ANXA6: variants seen among roughly 807,000 people sequenced by gnomAD.
The protein encoded by ANXA6 is annexin A6.
Under a neutral mutation model 95.4 loss-of-function variants are expected in ANXA6, and 71 were observed. The ratio of observed to expected loss-of-function variants is 0.74; its 90% CI spans 0.61 to 0.91. The LOEUF (loss-of-function observed/expected upper bound fraction) is 0.91. Ranked by LOEUF, ANXA6 falls within the 40% of genes least tolerant of loss-of-function variation. The pLI, the probability that ANXA6 is intolerant of heterozygous loss-of-function variation, is 0.00. For synonymous variants in ANXA6, 289 were observed against 315.9 expected, an observed-to-expected ratio of 0.91 and a Z score of 0.90; for missense variants, 830 against 876.4, an observed-to-expected ratio of 0.95 and a Z score of 0.67.
chr5:151,134,450 C>CCTCG lies in ANXA6; in HGVS notation c.519_522dup (p.Asp175ArgfsTer23). 6.2e-7 allele frequency: 1 copy of CCTCG among 1,613,994 alleles called. No homozygotes were observed. The highest frequency in any genetic ancestry group is 8.5e-7 in the Non-Finnish European group (1 of 1,179,892). On this transcript the variant is annotated frameshift_variant, in exon 8 of 26. Coordinates refer to ENST00000354546, the MANE Select transcript of ANXA6 (RefSeq NM_001155.5). LOFTEE classifies it high-confidence loss of function. ...ACCTGGACATCCTGTTGTACCAGGT[C>CCTCG]CTCGCTCACTACGTCATCCTCCTCC... is the stretch of plus-strand genomic sequence containing the variant.
intron 20 of ANXA6, among the ~76,000 whole-genome samples, chr5:151,112,226 A>T (rs978430602): frequency 1.3e-5 from 2 of 152,180 alleles, no homozygotes; most frequent in Admixed American, 6.5e-5. Context: ...TGATAAGGAG[A>T]GTTTCCATTT....
chr5:151,118,814 T>C (rs1323569868), intron 18 of ANXA6, among the ~76,000 whole-genome samples: 1 of 152,054 alleles, frequency 6.6e-6, no homozygotes, highest in East Asian at 1.9e-4. Context: ...GCAATCCGCC[T>C]GCCTGAGACT....
intron 7 of ANXA6, among the ~76,000 whole-genome samples, chr5:151,135,199 A>G (rs1413689092): frequency 6.6e-6 from 1 of 152,108 alleles, no homozygotes; most frequent in East Asian, 1.9e-4. Context: ...TCAAACCCCC[A>G]GGGTTCTCTT....
intron 2 of ANXA6, among the ~76,000 whole-genome samples, chr5:151,146,172 T>C (rs1359806629): frequency 1.3e-5 from 2 of 152,124 alleles, no homozygotes; most frequent in Non-Finnish European, 2.9e-5. Context: ...TGGACCAAGG[T>C]CCAAAGATCT....
chr5:151,140,509 G>A lies in ANXA6; in HGVS notation c.19-266C>T. On this transcript the variant is annotated intron_variant, in intron 2 of 25. Transcript: ENST00000354546. The stretch of plus-strand genomic sequence containing the variant: ...CCTGCACCACCTTCCAAAGCATCCA[G>A]GAGAGGGTAAAAAAGCCTGGCTGAG... 1.1e-5 allele frequency: 4 copies of A among 368,862 alleles called. No individual in the cohort carries two copies. The South Asian group carries it at 1.5e-4, about 14-fold the overall frequency. 22.8% of individuals were successfully genotyped at this position (368,862 alleles called of 1,614,324 possible).
At chr5:151,132,350 G>GCCCA (rs1765536820) in intron 10 of ANXA6, 126 bp downstream of exon 10, 1 of 754,870 alleles carries the variant, frequency 1.3e-6, no homozygotes, top group Non-Finnish European at 2.1e-6. Context: ...AGAATTCACG[G>GCCCA]CCCACATGGT....
At position 151,100,781 on chromosome 5, in the gene ANXA6, A is replaced by T. The variant is rs1035639829; in HGVS notation, c.*667T>A. 2.3e-6 allele frequency: 1 copy of T among 434,898 alleles called. No individual in the cohort carries two copies. Among genetic ancestry groups the T allele is most frequent in the African/African-American group, 2.0e-5 (1 of 49,214 alleles). 26.9% of individuals were successfully genotyped at this position (434,898 alleles called of 1,614,324 possible). On this transcript the variant is annotated 3_prime_UTR_variant, in exon 26 of 26. Coordinates refer to ENST00000354546, the MANE Select transcript of ANXA6 (RefSeq NM_001155.5). ...AGTGTCAAGGGAATGAATCGGAGGCATACTTTAGGAAGTTAATGTTAGAAG... is the reference window on the plus strand; with the variant it reads ...AGTGTCAAGGGAATGAATCGGAGGCTTACTTTAGGAAGTTAATGTTAGAAG...
At chr5:151,140,362 C>T (rs1765795877) in intron 2 of ANXA6, 119 bp from the exon 3 acceptor site, 1 of 825,872 alleles carries the variant, frequency 1.2e-6, no homozygotes, top group Non-Finnish European at 2.0e-6. Flanking sequence ...CTGCAAAATC[C>T]AGTGCTGGCC....
chr5:151,103,679 T>A lies in ANXA6; in HGVS notation c.1853A>T (p.Asp618Val). The A allele has an allele frequency of 6.2e-7, 1 of 1,610,694 alleles. No homozygotes were observed. Among genetic ancestry groups the A allele is most frequent in the Non-Finnish European group, 8.5e-7 (1 of 1,178,518 alleles). Residue 618 changes from aspartate to valine, a missense_variant, in exon 25 of 26, where the codon GAT becomes GTT. Coordinates refer to ENST00000354546, the MANE Select transcript of ANXA6 (RefSeq NM_001155.5). The stretch of plus-strand genomic sequence containing the variant: ...CATGATCCTGGTCAGAGTCTTCTCA[T>A]CTGTGCCAGCACCCTGGTGGAGCCA... ...LYKSMKGAGT[D>V]EKTLTRIMVS... is the part of the protein sequence containing the mutation.
chr5:151,124,207 A>C (rs1291561441), intron 15 of ANXA6, 79 bp downstream of exon 15: 1 of 1,249,140 alleles, frequency 8.0e-7, no homozygotes, highest in Non-Finnish European at 1.2e-6. Flanking sequence ...ACCTCACTCC[A>C]TCCCCTGCCA....
In ANXA6 at chr5:151,101,401, G is replaced by A. The variant is rs751853382; in HGVS notation, c.*47C>T. Reference sequence around the variant, plus strand: ...CAATCAGGCTTGGCCATGGCGGCTGGTGCTGATAACCATTTCTTGGCAGAA... The same window carrying A: ...CAATCAGGCTTGGCCATGGCGGCTGATGCTGATAACCATTTCTTGGCAGAA... On this transcript the variant is annotated 3_prime_UTR_variant, in exon 26 of 26. Transcript: ENST00000354546. 1 of 1,518,452 alleles carries A rather than the reference G, an allele frequency of 6.6e-7. No homozygotes were observed. The highest frequency in any genetic ancestry group is 2.5e-5 in the East Asian group (1 of 40,602). 94.1% of individuals were successfully genotyped at this position (1,518,452 alleles called of 1,614,324 possible). A position where few individuals can be genotyped will look rare whatever the true frequency, so the allele number is the denominator to read the frequency against.
At chr5:151,135,621 T>C (rs1363497411) in intron 7 of ANXA6, among the ~76,000 whole-genome samples, 2 of 152,200 alleles carry the variant, frequency 1.3e-5, no homozygotes, top group African/African-American at 2.4e-5. Flanking sequence ...GTAGATAACA[T>C]TCACGGTGAA....
intron 23 of ANXA6, 133 bp from the exon 24 acceptor site, chr5:151,105,436 A>G (rs1002955294): frequency 1.3e-6 from 1 of 763,226 alleles, no homozygotes. Flanking sequence ...CCCCAGGGTC[A>G]TGCTCAGACG....
chr5:151,141,211 A>G (rs540234917), intron 2 of ANXA6, among the ~76,000 whole-genome samples: 9 of 152,328 alleles, frequency 5.9e-5, no homozygotes, highest in Admixed American at 2.6e-4. Context: ...GGGGTCTGGG[A>G]GAGCAGCTGA....
At chr5:151,154,610 C>G (rs1052820969) in intron 1 of ANXA6, among the ~76,000 whole-genome samples, 1 of 152,186 alleles carries the variant, frequency 6.6e-6, no homozygotes, top group Non-Finnish European at 1.5e-5. Flanking sequence ...CCATAACCCT[C>G]CAGGAGCCTT....
At chr5:151,152,673 T>C (rs1766136942) in intron 1 of ANXA6, among the ~76,000 whole-genome samples, 1 of 152,212 alleles carries the variant, frequency 6.6e-6, no homozygotes, top group Admixed American at 6.5e-5. Context: ...ATCACCACTT[T>C]CCAAATGTTT....
chr5:151,146,483 A>G (rs1158808320), intron 2 of ANXA6, among the ~76,000 whole-genome samples: 1 of 152,174 alleles, frequency 6.6e-6, no homozygotes, highest in Non-Finnish European at 1.5e-5. Context: ...GAAACTGTGA[A>G]TATCCTATAA....
chr5:151,137,440 G>C (rs1056004666), intron 5 of ANXA6, 119 bp from the exon 6 acceptor site: 2 of 660,294 alleles, frequency 3.0e-6, no homozygotes, highest in Non-Finnish European at 5.1e-6. Context: ...TTCCTACCCA[G>C]CTCTTAGGCA....
chr5:151,125,588 C>T (rs1201092281), intron 14 of ANXA6, among the ~76,000 whole-genome samples: 4 of 152,112 alleles, frequency 2.6e-5, no homozygotes, highest in African/African-American at 7.2e-5. Context: ...GCAGAGACGG[C>T]GGCACCAAAC....
Sources: gnomAD v4.1 joint callset for allele counts (sites outside exome capture counted in the v4.1 genomes callset) on GRCh38, gnomAD v4.1.1 for gene constraint, MANE v1.5 for transcripts, NCBI Gene and HGNC (gene_info 2026-07-23, HGNC 2026-07-21) for gene names.